The following CEMIP variants were observed in gnomAD, a reference collection of about 807,000 sequenced individuals.
CEMIP encodes the protein cell migration-inducing and hyaluronan-binding protein.
A neutral mutation model predicts 156.9 loss-of-function variants in CEMIP; 105 were observed. The ratio of observed to expected loss-of-function variants is 0.67; its 90% CI spans 0.57 to 0.79. CEMIP has a LOEUF of 0.79. Among genes scored for constraint, CEMIP ranks in the 30% least tolerant of loss-of-function variants. The probability of loss-of-function intolerance (pLI) is 0.00; values close to 1 mark genes in which losing one functional copy is unlikely to be tolerated. For missense variants in CEMIP, 1,457 were observed against 1,769.4 expected, an observed-to-expected ratio of 0.82 and a Z score of 3.17; for synonymous variants, 676 against 668.4, an observed-to-expected ratio of 1.01 and a Z score of -0.17.
intron 17 of CEMIP, among the ~76,000 whole-genome samples, chr15:80,924,073 G>A (rs1322371649): frequency 6.6e-6 from 1 of 152,192 alleles, no homozygotes; most frequent in African/African-American, 2.4e-5. Flanking sequence ...GCATCACTCA[G>A]CTGCCTTGAT....
chr15:80,879,888 C>A (rs754296470), intron 5 of CEMIP, 34 bp downstream of exon 5: 1 of 1,613,010 alleles, frequency 6.2e-7, no homozygotes, highest in South Asian at 1.1e-5. Flanking sequence ...CAAATGCTAC[C>A]CATGGATCTG....
At chr15:80,910,054 C>T (rs954273888) in intron 14 of CEMIP, among the ~76,000 whole-genome samples, 7 of 152,240 alleles carry the variant, frequency 4.6e-5, no homozygotes, top group Non-Finnish European at 8.8e-5. Flanking sequence ...CCTCTATAAA[C>T]TTTAAAACCG....
intron 14 of CEMIP, 99 bp from the exon 15 acceptor site, chr15:80,919,995 T>G: frequency 9.1e-7 from 1 of 1,096,862 alleles, no homozygotes; most frequent in Non-Finnish European, 1.4e-6. Flanking sequence ...GCTGAATGAA[T>G]GAATGAGCAC....
rs1049902990 is a variant in CEMIP, at chr15:80,950,873, C to T, written c.*1949C>T. On this transcript the variant is annotated 3_prime_UTR_variant, in exon 30 of 30. Transcript: ENST00000394685. ...TCCCCTTTCCTGCCCCAACCACAAA[C>T]TCTTTCCTTCAAAGAGGGCCTGCCT... 24 of 152,814 alleles carry T rather than the reference C, an allele frequency of 1.6e-4. No homozygotes were observed. The highest frequency in any genetic ancestry group is 5.5e-4 in the African/African-American group (23 of 41,468). 9.5% of individuals were successfully genotyped at this position (152,814 alleles called of 1,614,324 possible). A position where few individuals can be genotyped will look rare whatever the true frequency, so the allele number is the denominator to read the frequency against.
At chr15:80,888,642 CA>C in intron 8 of CEMIP, 58 bp from the exon 9 acceptor site, 1 of 1,481,922 alleles carries the variant, frequency 6.7e-7, no homozygotes. Flanking sequence ...GCCTTGGAGT[CA>C]CAACTTTTTG....
rs748236271 is a variant in CEMIP, at chr15:80,920,243, G to T, written c.1947G>T (p.Lys649Asn). Residue 649 changes from lysine to asparagine, a missense_variant, in exon 15 of 30, where the codon AAG (lysine) becomes AAT (asparagine). Transcript: ENST00000394685. ...LPSDRDSKMCKMITEDSYPGY... is the reference protein window; with the variant it reads ...LPSDRDSKMCNMITEDSYPGY... Reference sequence around the variant, plus strand: ...CGGACCGTGACAGCAAGATGTGCAAGATGATCACAGAGGACTCCTACCCGG... The same window carrying T: ...CGGACCGTGACAGCAAGATGTGCAATATGATCACAGAGGACTCCTACCCGG... 3 of 1,614,220 alleles carry T rather than the reference G, an allele frequency of 1.9e-6. No individual in the cohort carries two copies. The highest frequency in any genetic ancestry group is 2.5e-6 in the Non-Finnish European group (3 of 1,180,038).
At chr15:80,823,778 C>T (rs1349720620) in intron 1 of CEMIP, among the ~76,000 whole-genome samples, 1 of 152,152 alleles carries the variant, frequency 6.6e-6, no homozygotes, top group Non-Finnish European at 1.5e-5. Flanking sequence ...AAAATGAAGG[C>T]ACTTCCAGAA....
Position 80,929,006 on chromosome 15 carries a change from C to A in CEMIP, c.2457-13C>A. On this transcript the variant is annotated splice_polypyrimidine_tract_variant and intron_variant, in intron 20 of 29. Coordinates refer to ENST00000394685, the MANE Select transcript of CEMIP (RefSeq NM_001293298.2). ...TCTCTGGGCATCTCACCTTAAACAT[C>A]TTCTCTCTACAGTGGTGGAACCTTC... 6.2e-7 allele frequency: 1 copy of A among 1,614,228 alleles called. No homozygotes were observed. Among genetic ancestry groups the A allele is most frequent in the Non-Finnish European group, 8.5e-7 (1 of 1,180,042 alleles).
chr15:80,848,900 G>GCACGCACACACACACACACACA (rs1555430241), intron 1 of CEMIP, among the ~76,000 whole-genome samples: 4 of 134,632 alleles, frequency 3.0e-5, no homozygotes, highest in Admixed American at 1.5e-4. Context: ...GTGTGCGCGT[G>GCACGCACACACACACACACACA]CACACACACA....
chr15:80,799,744 A>T (rs988780962), intron 1 of CEMIP, among the ~76,000 whole-genome samples: 2 of 152,372 alleles, frequency 1.3e-5, no homozygotes, highest in Admixed American at 1.3e-4. Context: ...GCCACAAAAA[A>T]TAATGAAATC....
rs760669306 is a variant in CEMIP at position 80,884,276 on chromosome 15, G to A, written c.719G>A (p.Gly240Asp). 2 of 1,614,194 alleles carry A rather than the reference G, an allele frequency of 1.2e-6. No homozygotes were observed. Among genetic ancestry groups the A allele is most frequent in the South Asian group, 1.1e-5 (1 of 91,088 alleles). The stretch of plus-strand genomic sequence containing the variant: ...CTTTCTGTTGCAGTGAATGATGAAG[G>A]TTCTCGAAATCTGGATGACATGGCC... ...RILSVAVNDE[G>D]SRNLDDMARK... The change falls in exon 7 of 30, where the codon GGT (glycine) becomes GAT (aspartate). Residue 240 changes from glycine to aspartate, a missense_variant. Transcript: ENST00000394685.
At chr15:80,925,853 C>G in intron 19 of CEMIP, 98 bp downstream of exon 19, 1 of 1,492,582 alleles carries the variant, frequency 6.7e-7, no homozygotes, top group Non-Finnish European at 8.9e-7. Flanking sequence ...AGAGGGGAAG[C>G]CAGACATACT....
chr15:80,864,280 CAT>C (rs1467254359), intron 1 of CEMIP, among the ~76,000 whole-genome samples: 1 of 152,222 alleles, frequency 6.6e-6, no homozygotes, highest in Non-Finnish European at 1.5e-5. Flanking sequence ...AGGTCATAAA[CAT>C]ATTGCCTGAC....
At chr15:80,790,518 C>T (rs1050453700) in intron 1 of CEMIP, among the ~76,000 whole-genome samples, 6 of 151,826 alleles carry the variant, frequency 4.0e-5, no homozygotes, top group African/African-American at 1.5e-4. Flanking sequence ...GTGAACAAGA[C>T]ATTGTCCTGT....
At chr15:80,822,091 T>C (rs920236914) in intron 1 of CEMIP, among the ~76,000 whole-genome samples, 1 of 152,256 alleles carries the variant, frequency 6.6e-6, no homozygotes, top group African/African-American at 2.4e-5. Context: ...ACCTGGGATC[T>C]GACAGCCCCT....
In CEMIP at chr15:80,783,442, G is replaced by A. The variant is rs555233415; in HGVS notation, c.-176+3828G>A. Among the ~76,000 whole-genome samples, 4 of 152,280 alleles carry A rather than the reference G, an allele frequency of 2.6e-5. No individual in the cohort carries two copies. In the South Asian group the frequency reaches 8.3e-4, roughly 32 times the overall value. Reference sequence around the variant, plus strand: ...CACTGCTTGTTTTTTACCATTATCTGGAGGCAGTTTCAGTTTCCTTTGAAC... The same window carrying A: ...CACTGCTTGTTTTTTACCATTATCTAGAGGCAGTTTCAGTTTCCTTTGAAC... On this transcript the variant is annotated intron_variant, in intron 1 of 29. Coordinates refer to ENST00000394685, the MANE Select transcript of CEMIP (RefSeq NM_001293298.2).
At chr15:80,936,941 T>G in intron 24 of CEMIP, 56 bp downstream of exon 24, 1 of 1,536,958 alleles carries the variant, frequency 6.5e-7, no homozygotes, top group South Asian at 1.1e-5. Flanking sequence ...GATGCCTTGT[T>G]GCAAAGTCCT....
chr15:80,906,528 C>T lies in CEMIP; in HGVS notation c.1412-135C>T. The T allele has an allele frequency of 1.2e-6, 1 of 828,164 alleles. No individual in the cohort carries two copies. Among genetic ancestry groups the T allele is most frequent in the East Asian group, 2.6e-5 (1 of 38,992 alleles). 51.3% of individuals were successfully genotyped at this position (828,164 alleles called of 1,614,324 possible). A position where few individuals can be genotyped will look rare whatever the true frequency, so the allele number is the denominator to read the frequency against. ...CTTCACCTCCCTGACCTTCATCCTT[C>T]TGTAACATGAGACCACTGTGCACAC... On this transcript the variant is annotated intron_variant, in intron 12 of 29. Transcript: ENST00000394685. This position sits in a 1 kb window ranked among gnomAD's most constrained non-coding sequence, Gnocchi z 4.3.
rs185497798 is a variant in CEMIP, at chr15:80,928,490, T to C, written c.2421-412T>C. ...TGAAGATGGTAAAAGAAAAAAAAAA[T>C]AGAAGTGCATTCACATACTCCACCT... On this transcript the variant is annotated intron_variant, in intron 19 of 29. Transcript: ENST00000394685. Among the ~76,000 whole-genome samples, 9 of 151,492 alleles carry C rather than the reference T, an allele frequency of 5.9e-5. No individual in the cohort carries two copies. The East Asian group carries it at 1.6e-3, about 26-fold the overall frequency.
Sources: gnomAD v4.1 joint callset for allele counts (sites outside exome capture counted in the v4.1 genomes callset) on GRCh38, gnomAD v4.1.1 for gene constraint, Gnocchi (gnomAD v3.1) non-coding constraint, MANE v1.5 for transcripts, NCBI Gene and HGNC (gene_info 2026-07-23, HGNC 2026-07-21) for gene names.